The following PLCB1 variants were observed in gnomAD, a reference collection of about 807,000 sequenced individuals.
PLCB1 encodes the protein phospholipase C beta 1.
PLCB1 carries 46 observed loss-of-function variants against 161.8 expected under a neutral mutation model. That is an observed-to-expected ratio of 0.28 (90% CI 0.22 to 0.36). The LOEUF is 0.36. Among genes scored for constraint, PLCB1 ranks in the 10% least tolerant of loss-of-function variants. PLCB1 has a pLI of 1.00. For synonymous variants in PLCB1, 517 were observed against 503.7 expected, an observed-to-expected ratio of 1.03 and a Z score of -0.35; for missense variants, 1,016 against 1,472.5, an observed-to-expected ratio of 0.69 and a Z score of 5.07.
intron 3 of PLCB1, among the ~76,000 whole-genome samples, chr20:8,532,079 GGGCATT>G (rs1451026611): frequency 6.6e-6 from 1 of 151,836 alleles, no homozygotes; most frequent in Non-Finnish European, 1.5e-5. Flanking sequence ...ACCTTCTTCA[GGGCATT>G]GGTATTTTGT....
At position 8,770,366 on chromosome 20, in the gene PLCB1, C is replaced by T. The variant is rs946676857; in HGVS notation, c.2931-4173C>T. 3.0e-4 allele frequency among the ~76,000 whole-genome samples: 46 copies of T among 152,378 alleles called. 2 individuals are homozygous for T. Among genetic ancestry groups the T allele is most frequent in the South Asian group, 2.9e-3 (14 of 4,832 alleles). ...GTATTACCATTTACCTGTAGTTACA[C>T]AGCCAGTTCAAGCAAAGCTTGGCCT... On this transcript the variant is annotated intron_variant, in intron 26 of 31. Coordinates refer to ENST00000338037, the MANE Select transcript of PLCB1 (RefSeq NM_015192.4).
rs57001013 is a variant in PLCB1, at chr20:8,222,186, T to G, written c.177+71815T>G. ...CTTTAAAAACACCTTATTCACATATTTACCACGATCAGTGCTTGTTATTAA... is the reference window on the plus strand; with the variant it reads ...CTTTAAAAACACCTTATTCACATATGTACCACGATCAGTGCTTGTTATTAA... On this transcript the variant is annotated intron_variant, in intron 2 of 31. Coordinates refer to ENST00000338037, the MANE Select transcript of PLCB1 (RefSeq NM_015192.4). Among the ~76,000 whole-genome samples, 1,017 of 152,296 alleles carry G rather than the reference T, an allele frequency of 6.7e-3. 17 individuals are homozygous for G. Among genetic ancestry groups the G allele is most frequent in the African/African-American group, 0.023 (955 of 41,590 alleles).
intron 15 of PLCB1, 104 bp from the exon 16 acceptor site, chr20:8,724,552 G>C (rs1046947699): frequency 2.7e-6 from 2 of 729,150 alleles, no homozygotes; most frequent in Non-Finnish European, 2.4e-6. Flanking sequence ...GAAAGGGAGG[G>C]ATGATTTTCT....
chr20:8,278,283 ATATT>A (rs1189409307), intron 2 of PLCB1, among the ~76,000 whole-genome samples: 1 of 147,004 alleles, frequency 6.8e-6, no homozygotes, highest in Non-Finnish European at 1.5e-5. Context: ...ATATAAATAT[ATATT>A]TATATAATAT....
intron 3 of PLCB1, among the ~76,000 whole-genome samples, chr20:8,517,133 C>A (rs1041624998): frequency 1.3e-5 from 2 of 152,048 alleles, no homozygotes; most frequent in Non-Finnish European, 2.9e-5. Context: ...GGGGAGCCCA[C>A]AAGTAATGGC....
intron 24 of PLCB1, among the ~76,000 whole-genome samples, chr20:8,759,219 C>G (rs1419949075): frequency 6.6e-6 from 1 of 152,148 alleles, no homozygotes; most frequent in East Asian, 1.9e-4. Flanking sequence ...TTGACAAGAG[C>G]ACCATGCAAG....
intron 10 of PLCB1, among the ~76,000 whole-genome samples, chr20:8,689,232 G>A (rs1172324516): frequency 6.6e-6 from 1 of 152,052 alleles, no homozygotes; most frequent in East Asian, 1.9e-4. Context: ...ATCTGTTCTA[G>A]GAGCTTTCTA....
At chr20:8,141,951 G>A (rs1481608743) in intron 1 of PLCB1, 5 of 152,246 alleles carry the variant, frequency 3.3e-5, no homozygotes, top group Admixed American at 6.5e-5. Flanking sequence ...TGTAGAGGGT[G>A]AGTTGCCTGC....
chr20:8,769,558 C>T (rs186758223), intron 26 of PLCB1, among the ~76,000 whole-genome samples: 13 of 152,224 alleles, frequency 8.5e-5, no homozygotes, highest in African/African-American at 2.6e-4. Context: ...GATAATCCAA[C>T]GACCTTCACA....
At chr20:8,716,109 T>A (rs1979294773) in intron 12 of PLCB1, 155 bp from the exon 13 acceptor site, 7 of 626,128 alleles carry the variant, frequency 1.1e-5, no homozygotes, top group Non-Finnish European at 1.7e-5. Flanking sequence ...CAAATTCACA[T>A]AAGTTAAGAT....
rs943989482 is a variant in PLCB1, at chr20:8,882,404, C to G, written c.*555C>G. The G allele has an allele frequency of 3.8e-5, 6 of 157,326 alleles. No individual in the cohort carries two copies. The highest frequency in any genetic ancestry group is 8.5e-5 in the Non-Finnish European group (6 of 70,734). 9.7% of individuals were successfully genotyped at this position (157,326 alleles called of 1,614,324 possible). ...TTTGCTAATTTATTTATCATAGAGTCATCAATGTATTTGTTGCTGACATGG... is the reference window on the plus strand; with the variant it reads ...TTTGCTAATTTATTTATCATAGAGTGATCAATGTATTTGTTGCTGACATGG... On this transcript the variant is annotated 3_prime_UTR_variant, in exon 32 of 32. Coordinates refer to ENST00000338037, the MANE Select transcript of PLCB1 (RefSeq NM_015192.4).
At chr20:8,298,227 C>G (rs1983727043) in intron 2 of PLCB1, among the ~76,000 whole-genome samples, 1 of 146,816 alleles carries the variant, frequency 6.8e-6, no homozygotes, top group Admixed American at 6.9e-5. Context: ...TCTTGGAGGT[C>G]AAGGCTGCAG....
Position 8,697,762 on chromosome 20 carries a change from G to T in PLCB1, c.1146G>T (p.Met382Ile). 1 of 1,614,164 alleles carries T rather than the reference G, an allele frequency of 6.2e-7. No individual in the cohort carries two copies. Among genetic ancestry groups the T allele is most frequent in the South Asian group, 1.1e-5 (1 of 91,066 alleles). The change falls in exon 11 of 32, where the codon ATG becomes ATT. Residue 382 changes from methionine (M) to isoleucine (I), a missense_variant. Met to Ile is a conservative substitution (Grantham distance 10). Coordinates refer to ENST00000338037, the MANE Select transcript of PLCB1 (RefSeq NM_015192.4). ...EEPVITHGFT[M>I]TTEISFKEVI... ...CTGTCATCACCCATGGCTTCACCAT[G>T]ACAACTGAAATATCTTTCAAGGTAG...
chr20:8,209,518 T>C (rs868426349), intron 2 of PLCB1, among the ~76,000 whole-genome samples: 32 of 152,212 alleles, frequency 2.1e-4, no homozygotes, highest in African/African-American at 6.5e-4. Flanking sequence ...TAAAATGTTA[T>C]TTTATTTCCT....
chr20:8,733,999 G>A (rs1224898713), intron 19 of PLCB1, among the ~76,000 whole-genome samples: 38 of 149,146 alleles, frequency 2.5e-4, no homozygotes, highest in Non-Finnish European at 4.9e-4. Flanking sequence ...GTGGTGGCGG[G>A]CGCCTGTAGT....
chr20:8,662,509 AAT>A (rs888725552), intron 9 of PLCB1, among the ~76,000 whole-genome samples: 8 of 142,074 alleles, frequency 5.6e-5, no homozygotes, highest in African/African-American at 1.0e-4. Context: ...AATTATGTAT[AAT>A]ATATAATTTT....
At chr20:8,525,113 A>G (rs576132743) in intron 3 of PLCB1, among the ~76,000 whole-genome samples, 3 of 152,268 alleles carry the variant, frequency 2.0e-5, no homozygotes, top group African/African-American at 7.2e-5. Flanking sequence ...AAGCCTTCCA[A>G]TGTCCAGAAG....
chr20:8,436,480 GT>G (rs1039560340), intron 3 of PLCB1, among the ~76,000 whole-genome samples: 1 of 148,198 alleles, frequency 6.7e-6, no homozygotes, highest in African/African-American at 2.5e-5. Flanking sequence ...ATCCTTTTAT[GT>G]TGTGACTATG....
At chr20:8,603,018 AGTATCACATG>A (rs150587766) in intron 3 of PLCB1, among the ~76,000 whole-genome samples, 7,474 of 152,238 alleles carry the variant, frequency 0.049, 369 homozygotes, top group African/African-American at 0.13. Context: ...TCATTGTTAA[AGTATCACATG>A]GTTTGTACAG....
Sources: gnomAD v4.1 joint callset for allele counts (sites outside exome capture counted in the v4.1 genomes callset) on GRCh38, gnomAD v4.1.1 for gene constraint, MANE v1.5 for transcripts, NCBI Gene and HGNC (gene_info 2026-07-23, HGNC 2026-07-21) for gene names.